NRXN3: variants seen among roughly 807,000 people sequenced by gnomAD.
The protein encoded by NRXN3 is neurexin 3.
Under a neutral mutation model 137.6 loss-of-function variants are expected in NRXN3, and 32 were observed. The observed-to-expected ratio is 0.23, with a 90% CI of 0.18 to 0.31. The LOEUF is 0.31. Among genes scored for constraint, NRXN3 ranks in the 10% least tolerant of loss-of-function variants. The pLI is 1.00. For synonymous variants in NRXN3, 798 were observed against 784.5 expected, an observed-to-expected ratio of 1.02 and a Z score of -0.29; for missense variants, 1,574 against 2,062.5, an observed-to-expected ratio of 0.76 and a Z score of 4.59.
intron 15 of NRXN3, among the ~76,000 whole-genome samples, chr14:79,152,747 C>T (rs1306262352): frequency 6.6e-6 from 1 of 152,000 alleles, no homozygotes; most frequent in Non-Finnish European, 1.5e-5. Flanking sequence ...CCTGACCCCA[C>T]CCTTGACATG....
At chr14:78,432,169 A>G (rs1034659645) in intron 4 of NRXN3, among the ~76,000 whole-genome samples, 7 of 152,208 alleles carry the variant, frequency 4.6e-5, no homozygotes, top group Admixed American at 2.6e-4. Flanking sequence ...TAACGTTGGC[A>G]TATTCAGAAC....
intron 10 of NRXN3, among the ~76,000 whole-genome samples, chr14:78,812,938 A>T (rs1316127599): frequency 6.6e-6 from 1 of 152,204 alleles, no homozygotes; most frequent in African/African-American, 2.4e-5. Context: ...ACAAATATAC[A>T]TGGGTCTTTT....
rs566118496 is a variant in NRXN3, at chr14:79,801,392, C to T, written c.4015-3720C>T. 4.6e-5 allele frequency among the ~76,000 whole-genome samples: 7 copies of T among 152,220 alleles called. No homozygotes were observed. In the East Asian group the frequency reaches 1.2e-3, roughly 25 times the overall value. Reference sequence around the variant, plus strand: ...AGAACACTTCTAATGTGGGGTAAATCGTAACAAATAGAGCACATAGGCAGA... The same window carrying T: ...AGAACACTTCTAATGTGGGGTAAATTGTAACAAATAGAGCACATAGGCAGA... On this transcript the variant is annotated intron_variant, in intron 19 of 20. Coordinates refer to ENST00000335750, the MANE Select transcript of NRXN3 (RefSeq NM_001330195.2).
At chr14:79,829,601 G>T (rs547796788) in intron 20 of NRXN3, among the ~76,000 whole-genome samples, 1 of 152,262 alleles carries the variant, frequency 6.6e-6, no homozygotes, top group Admixed American at 6.5e-5. Flanking sequence ...AATTACCCAC[G>T]CATGATCAAT....
intron 19 of NRXN3, among the ~76,000 whole-genome samples, chr14:79,780,749 T>C (rs920247239): frequency 6.6e-6 from 1 of 152,232 alleles, no homozygotes; most frequent in East Asian, 1.9e-4. Flanking sequence ...ATGTTGCTGA[T>C]GCAAATAATT....
intron 15 of NRXN3, among the ~76,000 whole-genome samples, chr14:79,226,172 C>T (rs1019116436): frequency 1.3e-5 from 2 of 152,076 alleles, no homozygotes; most frequent in African/African-American, 4.8e-5. Flanking sequence ...CTCCCCATCA[C>T]GACAGAGTAG....
chr14:78,948,515 G>C (rs2099374348), intron 10 of NRXN3, among the ~76,000 whole-genome samples: 1 of 152,008 alleles, frequency 6.6e-6, no homozygotes, highest in Admixed American at 6.6e-5. Flanking sequence ...GCTGAAATCT[G>C]ACATTGGCTG....
intron 4 of NRXN3, among the ~76,000 whole-genome samples, chr14:78,600,356 T>A (rs1391041564): frequency 6.6e-6 from 1 of 152,210 alleles, no homozygotes; most frequent in Non-Finnish European, 1.5e-5. Context: ...CCTTCCCTAC[T>A]ACAATACTGT....
intron 4 of NRXN3, among the ~76,000 whole-genome samples, chr14:78,422,015 G>A (rs909743516): frequency 6.6e-6 from 1 of 152,224 alleles, no homozygotes; most frequent in Non-Finnish European, 1.5e-5. Context: ...GTTGGCTCAT[G>A]GAGGATAAGC....
At chr14:78,979,842 A>G (rs924292104) in intron 14 of NRXN3, among the ~76,000 whole-genome samples, 3 of 152,078 alleles carry the variant, frequency 2.0e-5, no homozygotes, top group Admixed American at 1.3e-4. Flanking sequence ...AACCCATCAG[A>G]TCTCATGAGA....
chr14:78,548,727 A>G lies in NRXN3; in HGVS notation c.758-96393A>G, dbSNP rs116355408. On this transcript the variant is annotated intron_variant, in intron 4 of 20. Coordinates refer to ENST00000335750, the MANE Select transcript of NRXN3 (RefSeq NM_001330195.2). ...TGTTGTTTGCCCATCCATTCCCCTC[A>G]CTAGACGTATTCTATTCCTTTTTCT... is the stretch of plus-strand genomic sequence containing the variant. 6.2e-3 allele frequency among the ~76,000 whole-genome samples: 944 copies of G among 152,156 alleles called. 11 individuals carry two copies. Among genetic ancestry groups the G allele is most frequent in the African/African-American group, 0.021 (885 of 41,526 alleles).
intron 8 of NRXN3, among the ~76,000 whole-genome samples, chr14:78,761,846 A>T (rs2098693410): frequency 6.6e-6 from 1 of 152,170 alleles, no homozygotes. Context: ...ACAGCATTTG[A>T]TGTAAGCCCT....
chr14:79,401,982 T>G (rs1452482654), intron 15 of NRXN3, among the ~76,000 whole-genome samples: 2 of 152,190 alleles, frequency 1.3e-5, no homozygotes, highest in African/African-American at 4.8e-5. Context: ...AGTGGCATGA[T>G]CACAGCTCAC....
chr14:78,535,610 A>G (rs919814294), intron 4 of NRXN3, among the ~76,000 whole-genome samples: 5 of 152,170 alleles, frequency 3.3e-5, no homozygotes, highest in African/African-American at 1.2e-4. Flanking sequence ...ATTCTCTATG[A>G]GAGAAAGAGG....
chr14:79,063,183 G>C (rs2099676364), intron 15 of NRXN3, among the ~76,000 whole-genome samples: 1 of 152,166 alleles, frequency 6.6e-6, no homozygotes, highest in Non-Finnish European at 1.5e-5. Flanking sequence ...CTTTTGTTCA[G>C]ACTTTACACA....
chr14:78,878,859 T>C (rs973131552), intron 10 of NRXN3, among the ~76,000 whole-genome samples: 2 of 152,102 alleles, frequency 1.3e-5, no homozygotes, highest in Non-Finnish European at 2.9e-5. Context: ...CCCACCCGCC[T>C]ACACCACCTC....
chr14:78,797,606 A>G (rs1163738972), intron 8 of NRXN3, among the ~76,000 whole-genome samples: 1 of 152,192 alleles, frequency 6.6e-6, no homozygotes, highest in Non-Finnish European at 1.5e-5. Flanking sequence ...AAAGTCCAAA[A>G]ACCTAAATGA....
intron 4 of NRXN3, among the ~76,000 whole-genome samples, chr14:78,612,709 G>A (rs1328080927): frequency 6.6e-6 from 1 of 152,126 alleles, no homozygotes; most frequent in African/African-American, 2.4e-5. Flanking sequence ...GTTGAGATTT[G>A]CTATTCTGTA....
At chr14:79,750,279 T>C (rs1444970389) in intron 19 of NRXN3, among the ~76,000 whole-genome samples, 1 of 152,104 alleles carries the variant, frequency 6.6e-6, no homozygotes, top group Non-Finnish European at 1.5e-5. Flanking sequence ...TAAGACAATT[T>C]ATTTCTATTT....
Sources: gnomAD v4.1 joint callset for allele counts (sites outside exome capture counted in the v4.1 genomes callset) on GRCh38, gnomAD v4.1.1 for gene constraint, MANE v1.5 for transcripts, NCBI Gene and HGNC (gene_info 2026-07-23, HGNC 2026-07-21) for gene names.